SLC5A1: variants seen among roughly 807,000 people sequenced by gnomAD.
SLC5A1 encodes sodium/glucose cotransporter 1.
In SLC5A1, 42 loss-of-function variants were observed where a neutral mutation model predicts 73.5. The ratio of observed to expected loss-of-function variants is 0.57; its 90% CI spans 0.45 to 0.74. The LOEUF (loss-of-function observed/expected upper bound fraction) is 0.74. Ranked by LOEUF, SLC5A1 falls within the 30% of genes least tolerant of loss-of-function variation. The pLI, the probability that SLC5A1 is intolerant of heterozygous loss-of-function variation, is 0.00. For missense variants in SLC5A1, 634 were observed against 855.4 expected (o/e 0.74, Z 3.23); for synonymous variants, 300 against 317.4 (o/e 0.95, Z 0.58).
chr22:32,052,054 C>T (rs1216908538), intron 2 of SLC5A1, among the ~76,000 whole-genome samples: 1 of 152,206 alleles, frequency 6.6e-6, no homozygotes, highest in Non-Finnish European at 1.5e-5. Flanking sequence ...CTGATTGAAT[C>T]CTCAATGATC....
In SLC5A1 at chr22:32,088,227, T is replaced by C. The variant is rs73391054; in HGVS notation, c.1129+1900T>C. Among the ~76,000 whole-genome samples, 867 of 152,248 alleles carry C rather than the reference T, an allele frequency of 5.7e-3. 4 individuals are homozygous for C. The highest frequency in any genetic ancestry group is 0.015 in the African/African-American group (629 of 41,544). Reference sequence around the variant, plus strand: ...GACTAAACATTATGCGGGAGTGGACTGTGCACAACAGAAAGATGTGTGGCA... The same window carrying C: ...GACTAAACATTATGCGGGAGTGGACCGTGCACAACAGAAAGATGTGTGGCA... On this transcript the variant is annotated intron_variant, in intron 10 of 14. Coordinates refer to ENST00000266088, the MANE Select transcript of SLC5A1 (RefSeq NM_000343.4).
At chr22:32,081,835 C>T in intron 5 of SLC5A1, 31 bp from the exon 6 acceptor site, 1 of 1,446,580 alleles carries the variant, frequency 6.9e-7, no homozygotes, top group South Asian at 1.1e-5. Flanking sequence ...GACCACTCTC[C>T]CTCCTAACTC....
intron 5 of SLC5A1, among the ~76,000 whole-genome samples, chr22:32,072,838 C>T (rs564576929): frequency 1.3e-5 from 2 of 152,262 alleles, no homozygotes; most frequent in Admixed American, 6.5e-5. Flanking sequence ...ACATTATTAC[C>T]TTCCTGTCCT....
intron 14 of SLC5A1, among the ~76,000 whole-genome samples, chr22:32,109,078 T>TG (rs1053849661): frequency 5.3e-5 from 8 of 151,644 alleles, no homozygotes; most frequent in Admixed American, 2.0e-4. Flanking sequence ...GAGACCGAGG[T>TG]GGGGGGGATC....
At chr22:32,105,100 A>G (rs1269466463) in intron 14 of SLC5A1, among the ~76,000 whole-genome samples, 1 of 152,128 alleles carries the variant, frequency 6.6e-6, no homozygotes, top group Non-Finnish European at 1.5e-5. Context: ...GAATCATTCA[A>G]GCTCCCTCAC....
intron 12 of SLC5A1, among the ~76,000 whole-genome samples, chr22:32,101,488 G>A (rs867215958): frequency 1.3e-5 from 2 of 152,130 alleles, no homozygotes; most frequent in African/African-American, 2.4e-5. Flanking sequence ...AAACTACAAA[G>A]AGGGCTAAAA....
chr22:32,044,530 T>C (rs9609415), intron 1 of SLC5A1, among the ~76,000 whole-genome samples: 9,719 of 150,844 alleles, frequency 0.064, 326 homozygotes, highest in African/African-American at 0.087. Context: ...TTTTTTTTTT[T>C]CCAAAGGAAT....
chr22:32,086,415 G>A (rs1359630940), intron 10 of SLC5A1, 88 bp downstream of exon 10: 3 of 910,172 alleles, frequency 3.3e-6, no homozygotes, highest in Non-Finnish European at 5.5e-6. Context: ...GAACCTTCTG[G>A]GCAAAGACAT....
rs200957752 is a variant in SLC5A1, at chr22:32,091,719, G to C, written c.1237G>C (p.Val413Leu). The C allele has an allele frequency of 6.2e-6, 10 of 1,614,012 alleles. No homozygotes were observed. The highest frequency in any genetic ancestry group is 7.6e-6 in the Non-Finnish European group (9 of 1,179,992). Residue 413 changes from valine to leucine, a missense_variant, in exon 11 of 15, where the codon GTC becomes CTC. Physicochemically the swap from Val to Leu is conservative, Grantham distance 32 (BLOSUM62 1). Around this residue, in one of 3 missense-constraint regions of SLC5A1, gnomAD observed 422 missense variants for 626.1 expected, o/e 0.67. Transcript: ENST00000266088. ...CTTCACCATGGACATCTACGCCAAG[G>C]TCCGCAAGAGAGCATCTGAGAAAGA... The part of the protein sequence containing the change: ...TLFTMDIYAK[V>L]RKRASEKELM...
rs1378415308 is a variant in SLC5A1 at position 32,111,482 on chromosome 22, T to C, written c.*1269T>C. 2 of 152,196 alleles carry C rather than the reference T, an allele frequency of 1.3e-5. No individual in the cohort carries two copies. The highest frequency in any genetic ancestry group is 2.4e-5 in the African/African-American group (1 of 41,454). The allele number at this position is 152,196 out of a possible 1,614,324, so 9.4% of individuals were successfully genotyped here. ...GGGTTAGGAAGTCAGCAAGTGAGTC[T>C]TGAAGAGATACTAAACAAACCCACA... On this transcript the variant is annotated 3_prime_UTR_variant, in exon 15 of 15. Transcript: ENST00000266088.
In SLC5A1 at chr22:32,110,055, G is replaced by C. The variant is rs199692197; in HGVS notation, c.1837G>C (p.Glu613Gln). ...AGCCTATGACCTATTTTGTGGGCTA[G>C]AGCAGCACGGTGCACCCAAGATGAC... The part of the protein sequence containing the change: ...RRAYDLFCGL[E>Q]QHGAPKMTEE... Residue 613 changes from glutamate (E) to glutamine (Q), a missense_variant, in exon 15 of 15, where the codon GAG becomes CAG. By Grantham distance (29) the Glu-to-Gln change is conservative (BLOSUM62 2). Coordinates refer to ENST00000266088, the MANE Select transcript of SLC5A1 (RefSeq NM_000343.4). 4 of 1,614,026 alleles carry C rather than the reference G, an allele frequency of 2.5e-6. No homozygotes were observed. The highest frequency in any genetic ancestry group is 2.2e-5 in the East Asian group (1 of 44,900).
intron 11 of SLC5A1, among the ~76,000 whole-genome samples, chr22:32,092,514 A>T (rs1332802166): frequency 6.6e-6 from 1 of 152,244 alleles, no homozygotes; most frequent in Non-Finnish European, 1.5e-5. Flanking sequence ...TAGTTCTTTA[A>T]GGAATGTCCA....
At chr22:32,060,084 T>C (rs2093958827) in intron 2 of SLC5A1, among the ~76,000 whole-genome samples, 1 of 146,468 alleles carries the variant, frequency 6.8e-6, no homozygotes, top group Admixed American at 6.8e-5. Flanking sequence ...TATACACACA[T>C]GTATACACAC....
chr22:32,070,841 A>G (rs1269370187), intron 5 of SLC5A1, among the ~76,000 whole-genome samples: 1 of 152,196 alleles, frequency 6.6e-6, no homozygotes, highest in Non-Finnish European at 1.5e-5. Context: ...TTTGTCCCCA[A>G]GGTGACTGTC....
rs746754411 is a variant in SLC5A1 at position 32,043,468 on chromosome 22, G to A, written c.135+52G>A. The A allele has an allele frequency of 5.0e-6, 8 of 1,600,066 alleles. No individual in the cohort carries two copies. The highest frequency in any genetic ancestry group is 3.4e-5 in the Admixed American group (2 of 58,904). On this transcript the variant is annotated intron_variant, in intron 1 of 14. Coordinates refer to ENST00000266088, the MANE Select transcript of SLC5A1 (RefSeq NM_000343.4). This position sits in a 1 kb window ranked among gnomAD's most constrained non-coding sequence, Gnocchi z 6.5. ...TGGGGAGGGTGCGCACAGAGGAGGAGCAATGGCCTCGCTGAGCTGCAAGGG... is the reference window on the plus strand; with the variant it reads ...TGGGGAGGGTGCGCACAGAGGAGGAACAATGGCCTCGCTGAGCTGCAAGGG...
intron 10 of SLC5A1, among the ~76,000 whole-genome samples, chr22:32,091,113 A>G (rs1251231368): frequency 6.6e-6 from 1 of 150,628 alleles, no homozygotes; most frequent in African/African-American, 2.4e-5. Context: ...AGTTCTTTAT[A>G]TGTTCTTATA....
intron 1 of SLC5A1, among the ~76,000 whole-genome samples, chr22:32,045,243 C>G (rs539244206): frequency 6.6e-6 from 1 of 152,308 alleles, no homozygotes; most frequent in African/African-American, 2.4e-5. Context: ...AATATCGGTT[C>G]TCTTAACCAA....
At position 32,110,068 on chromosome 22, in the gene SLC5A1, C is replaced by A. The variant is rs762685624; in HGVS notation, c.1850C>A (p.Ala617Glu). ...TTTTGTGGGCTAGAGCAGCACGGTGCACCCAAGATGACTGAGGAAGAGGAG... is the reference window on the plus strand; with the variant it reads ...TTTTGTGGGCTAGAGCAGCACGGTGAACCCAAGATGACTGAGGAAGAGGAG... ...DLFCGLEQHG[A>E]PKMTEEEEKA... is the part of the protein sequence containing the mutation. The change falls in exon 15 of 15, where the codon GCA (alanine) becomes GAA (glutamate). Residue 617 changes from alanine (A) to glutamate (E), a missense_variant. Transcript: ENST00000266088. The A allele has an allele frequency of 1.2e-5, 20 of 1,613,878 alleles. No homozygotes were observed. The highest frequency in any genetic ancestry group is 1.5e-5 in the Non-Finnish European group (18 of 1,179,886).
intron 8 of SLC5A1, 73 bp from the exon 9 acceptor site, chr22:32,084,827 C>T (rs1042949756): frequency 2.2e-5 from 35 of 1,602,630 alleles, no homozygotes; most frequent in Non-Finnish European, 2.8e-5. Context: ...CCCAAGATGG[C>T]GAAGCTAGGA....
Sources: gnomAD v4.1 joint callset for allele counts (sites outside exome capture counted in the v4.1 genomes callset) on GRCh38, gnomAD v4.1.1 for gene constraint, gnomAD v4.1.1 regional missense constraint, Gnocchi (gnomAD v3.1) non-coding constraint, MANE v1.5 for transcripts, NCBI Gene and HGNC (gene_info 2026-07-23, HGNC 2026-07-21) for gene names.